Variants in RIMBP2 observed in about 807,000 individuals in gnomAD.
The protein encoded by RIMBP2 is RIMS-binding protein 2.
In RIMBP2, 48 loss-of-function variants were observed where a neutral mutation model predicts 118.6. The observed-to-expected ratio is 0.40, with a 90% confidence interval of 0.32 to 0.51. The LOEUF (loss-of-function observed/expected upper bound fraction) is 0.51. RIMBP2 is among the 20% of genes least tolerant of loss of function. The probability of loss-of-function intolerance (pLI) is 0.41; values close to 1 mark genes in which losing one functional copy is unlikely to be tolerated. For synonymous variants in RIMBP2, 762 were observed against 742.9 expected, an observed-to-expected ratio of 1.03 and a Z score of -0.42; for missense variants, 1,551 against 1,768.3, an observed-to-expected ratio of 0.88 and a Z score of 2.20.
At chr12:130,631,681 CAAAA>C (rs201707473) in intron 1 of RIMBP2, among the ~76,000 whole-genome samples, 1 of 135,270 alleles carries the variant, frequency 7.4e-6, no homozygotes, top group African/African-American at 2.7e-5. Context: ...ACTGGTAAGT[CAAAA>C]AAAAAAAAAG....
chr12:130,678,396 C>A (rs748499996), intron 1 of RIMBP2, among the ~76,000 whole-genome samples: 1 of 152,242 alleles, frequency 6.6e-6, no homozygotes, highest in Non-Finnish European at 1.5e-5. Flanking sequence ...TGCTGCGCCA[C>A]GGAATATTCC....
At chr12:130,494,502 G>C (rs970318957) in intron 4 of RIMBP2, among the ~76,000 whole-genome samples, 4 of 152,078 alleles carry the variant, frequency 2.6e-5, no homozygotes, top group Non-Finnish European at 5.9e-5. Context: ...AGCCAGGCAT[G>C]GTGGCAGGCA....
chr12:130,606,453 C>T (rs1447083922), intron 2 of RIMBP2, among the ~76,000 whole-genome samples: 2 of 152,210 alleles, frequency 1.3e-5, no homozygotes, highest in African/African-American at 4.8e-5. Flanking sequence ...CAGTTCCACG[C>T]AAGGAGGCAG....
intron 2 of RIMBP2, among the ~76,000 whole-genome samples, chr12:130,529,271 C>A (rs11060972): frequency 1.4e-5 from 2 of 143,190 alleles, no homozygotes; most frequent in Non-Finnish European, 3.1e-5. Flanking sequence ...TGCTGATTCA[C>A]GCTACAACAG....
At position 130,407,759 on chromosome 12, in the gene RIMBP2, G is replaced by A. The variant is rs778671832; in HGVS notation, c.3660C>T (p.Asp1220=). The A allele has an allele frequency of 1.7e-5, 28 of 1,614,054 alleles. No individual in the cohort carries two copies. The highest frequency in any genetic ancestry group is 2.4e-5 in the Non-Finnish European group (28 of 1,180,002). ...CGACGTTGGGCGAGCTTTCTCTGGG[G>A]TCGTAGTCATACAGGGCCACCATTC... is the stretch of plus-strand genomic sequence containing the variant. ...TRRMVALYDY[D]PRESSPNVDV... is the part of the protein sequence containing the mutation. The change falls in exon 20 of 23, where the codon GAC becomes GAT. Residue 1220 remains aspartate (D), a synonymous_variant. Coordinates refer to ENST00000690449, the MANE Select transcript of RIMBP2 (RefSeq NM_001393629.1).
rs1005825008 is a variant in RIMBP2 at position 130,424,678 on chromosome 12, T to C, written c.2593A>G (p.Arg865Gly). 8.1e-7 allele frequency: 1 copy of C among 1,231,842 alleles called. No homozygotes were observed. The highest frequency in any genetic ancestry group is 1.0e-6 in the Non-Finnish European group (1 of 987,904). 76.3% of individuals were successfully genotyped at this position (1,231,842 alleles called of 1,614,324 possible). ...TAGGGCCTGCCGGGCCTGGGCTCTC[T>C]GGCCAGCCCCGTCCTGGCCCTGGGG... The part of the protein sequence containing the change: ...PSPRARTGLA[R>G]EPRPGRPYRG... Residue 865 changes from arginine to glycine, a missense_variant, in exon 16 of 23, where the codon AGA becomes GGA. By Grantham distance (125) the Arg-to-Gly change is moderately radical (BLOSUM62 -2). Around this residue, in one of 5 missense-constraint regions of RIMBP2, gnomAD observed 1,038 missense variants for 1,125.1 expected, o/e 0.92. Coordinates refer to ENST00000690449, the MANE Select transcript of RIMBP2 (RefSeq NM_001393629.1). The surrounding 1 kb of genome is among the most constrained non-coding windows in gnomAD (Gnocchi z 9.8).
chr12:130,649,388 T>C (rs1226730071), intron 1 of RIMBP2, among the ~76,000 whole-genome samples: 2 of 152,216 alleles, frequency 1.3e-5, no homozygotes, highest in Non-Finnish European at 2.9e-5. Context: ...TGGGGCCTCA[T>C]GGCCTCCGCA....
At chr12:130,686,889 G>T (rs1174604111) in intron 1 of RIMBP2, among the ~76,000 whole-genome samples, 1 of 152,242 alleles carries the variant, frequency 6.6e-6, no homozygotes, top group Non-Finnish European at 1.5e-5. Flanking sequence ...AGGCAGCGGG[G>T]AGAGAACAGC....
intron 1 of RIMBP2, among the ~76,000 whole-genome samples, chr12:130,684,343 C>T (rs1034906280): frequency 6.6e-6 from 1 of 152,228 alleles, no homozygotes; most frequent in Non-Finnish European, 1.5e-5. Context: ...CAAGCTGCGC[C>T]CCAACCACCT....
chr12:130,549,950 T>G (rs896167824), intron 2 of RIMBP2, among the ~76,000 whole-genome samples: 1 of 151,714 alleles, frequency 6.6e-6, no homozygotes, highest in Non-Finnish European at 1.5e-5. Flanking sequence ...TCTACAATGT[T>G]AAACTAATCT....
intron 2 of RIMBP2, among the ~76,000 whole-genome samples, chr12:130,585,985 A>G (rs984851001): frequency 1.3e-5 from 2 of 152,234 alleles, no homozygotes; most frequent in Non-Finnish European, 2.9e-5. Flanking sequence ...TTGTTTTCCT[A>G]TGACTGATTT....
In RIMBP2 at chr12:130,424,751, C is replaced by T. The variant is rs941564209; in HGVS notation, c.2520G>A (p.Glu840=). 29 of 1,232,310 alleles carry T rather than the reference C, an allele frequency of 2.4e-5. 1 individual carries two copies. The highest frequency in any genetic ancestry group is 2.7e-5 in the Non-Finnish European group (27 of 988,190). 76.3% of individuals were successfully genotyped at this position (1,232,310 alleles called of 1,614,324 possible). A position where few individuals can be genotyped will look rare whatever the true frequency, so the allele number is the denominator to read the frequency against. ...RLFSIPEVAE[E]DGECCGLLHK... ...GTAGCAGCCCACAGCACTCTCCGTCCTCTTCCGCTACTTCGGGGATACTGA... is the reference window on the plus strand; with the variant it reads ...GTAGCAGCCCACAGCACTCTCCGTCTTCTTCCGCTACTTCGGGGATACTGA... Residue 840 remains glutamate (E), a synonymous_variant, in exon 16 of 23, where the codon GAG becomes GAA. Transcript: ENST00000690449. The surrounding 1 kb of genome is among the most constrained non-coding windows in gnomAD (Gnocchi z 9.8).
intron 1 of RIMBP2, among the ~76,000 whole-genome samples, chr12:130,677,734 G>GC (rs200545885): frequency 6.6e-6 from 1 of 152,178 alleles, no homozygotes; most frequent in Non-Finnish European, 1.5e-5. Context: ...GTCCATCAGG[G>GC]CCCCACTAGG....
intron 1 of RIMBP2, among the ~76,000 whole-genome samples, chr12:130,680,292 G>C (rs1028328505): frequency 6.6e-6 from 1 of 152,234 alleles, no homozygotes; most frequent in Non-Finnish European, 1.5e-5. Flanking sequence ...ATGAAATGGC[G>C]TTGAGGATGA....
rs141173562 is a variant in RIMBP2 at position 130,421,185 on chromosome 12, C to T, written c.3238+1268G>A. On this transcript the variant is annotated intron_variant, in intron 17 of 22. Transcript: ENST00000690449. ...TAGTCCCTCCAGAGGGAACGACACA[C>T]GAATTGAATGAAGATTTGAGAGACA... 2.0e-4 allele frequency among the ~76,000 whole-genome samples: 30 copies of T among 152,264 alleles called. No homozygotes were observed. The East Asian group carries it at 2.3e-3, about 12-fold the overall frequency.
At chr12:130,506,067 C>G (rs998191589) in intron 4 of RIMBP2, among the ~76,000 whole-genome samples, 15 of 151,442 alleles carry the variant, frequency 9.9e-5, no homozygotes, top group Non-Finnish European at 2.1e-4. Context: ...AAAATGTTTT[C>G]CAGAATGATA....
At chr12:130,468,509 T>C (rs11060916) in intron 6 of RIMBP2, among the ~76,000 whole-genome samples, 3,174 of 151,360 alleles carry the variant, frequency 0.021, 92 homozygotes, top group East Asian at 0.16. Context: ...GAACTCACCA[T>C]CCAACTCAGA....
intron 2 of RIMBP2, among the ~76,000 whole-genome samples, chr12:130,522,965 T>G (rs184368776): frequency 3.0e-4 from 45 of 152,086 alleles, no homozygotes; most frequent in African/African-American, 1.0e-3. Context: ...TCTTTCCCCC[T>G]CTCTCTCAGT....
chr12:130,513,395 T>C (rs2051118550), intron 3 of RIMBP2, among the ~76,000 whole-genome samples: 1 of 152,190 alleles, frequency 6.6e-6, no homozygotes, highest in Non-Finnish European at 1.5e-5. Context: ...AATAGATTCT[T>C]GTGGCAGCAA....
Sources: gnomAD v4.1 joint callset for allele counts (sites outside exome capture counted in the v4.1 genomes callset) on GRCh38, gnomAD v4.1.1 for gene constraint, gnomAD v4.1.1 regional missense constraint, Gnocchi (gnomAD v3.1) non-coding constraint, MANE v1.5 for transcripts, NCBI Gene and HGNC (gene_info 2026-07-23, HGNC 2026-07-21) for gene names.